The following ERC2 variants were observed in gnomAD, a reference collection of about 807,000 sequenced individuals.
The protein encoded by ERC2 is ELKS/RAB6-interacting/CAST family member 2, also known as ERC protein 2.
In ERC2, 42 loss-of-function variants were observed where a neutral mutation model predicts 114.8. The observed-to-expected ratio is 0.37, with a 90% confidence interval of 0.29 to 0.47. The LOEUF is 0.47. Among genes scored for constraint, ERC2 ranks in the 20% least tolerant of loss-of-function variants. The probability of loss-of-function intolerance (pLI) is 0.99; values close to 1 mark genes in which losing one functional copy is unlikely to be tolerated. For synonymous variants in ERC2, 454 were observed against 425.5 expected (o/e 1.07, Z -0.82); for missense variants, 939 against 1,150.7 (o/e 0.82, Z 2.66).
intron 3 of ERC2, among the ~76,000 whole-genome samples, chr3:56,285,743 A>G (rs2150333881): frequency 6.6e-6 from 1 of 152,320 alleles, no homozygotes; most frequent in South Asian, 2.1e-4. Context: ...AATATTTTTT[A>G]ACACAACCTG....
chr3:56,418,409 G>A (rs368943358), intron 2 of ERC2, among the ~76,000 whole-genome samples: 9 of 152,098 alleles, frequency 5.9e-5, no homozygotes, highest in African/African-American at 2.2e-4. Flanking sequence ...TGTACACAGA[G>A]CTACTCACTC....
chr3:56,110,760 C>G (rs1048950138), intron 6 of ERC2, among the ~76,000 whole-genome samples: 90 of 152,120 alleles, frequency 5.9e-4, no homozygotes, highest in African/African-American at 2.1e-3. Flanking sequence ...AAAAATTTCC[C>G]CAGCATGATA....
intron 2 of ERC2, among the ~76,000 whole-genome samples, chr3:56,394,443 C>A (rs2060233653): frequency 6.6e-6 from 1 of 152,114 alleles, no homozygotes; most frequent in African/African-American, 2.4e-5. Context: ...ACCTGTCTGA[C>A]TTTTTAACTT....
At chr3:56,149,331 AG>A (rs1297054407) in intron 4 of ERC2, among the ~76,000 whole-genome samples, 199 bp from the exon 5 acceptor site, 1 of 152,176 alleles carries the variant, frequency 6.6e-6, no homozygotes, top group African/African-American at 2.4e-5. Context: ...CTCCCAATCA[AG>A]ACCATGTGTC....
chr3:56,245,241 T>G (rs886667732), intron 3 of ERC2, among the ~76,000 whole-genome samples: 33 of 151,564 alleles, frequency 2.2e-4, no homozygotes, highest in Non-Finnish European at 4.1e-4. Flanking sequence ...TAAGGATCAT[T>G]GTAACACTGG....
intron 17 of ERC2, among the ~76,000 whole-genome samples, chr3:55,653,335 C>T (rs115298780): frequency 6.6e-6 from 1 of 152,130 alleles, no homozygotes; most frequent in Non-Finnish European, 1.5e-5. Flanking sequence ...AAAGATTACT[C>T]TTACTTGCAA....
chr3:55,650,428 G>A (rs1252351879), intron 17 of ERC2, among the ~76,000 whole-genome samples: 1 of 152,078 alleles, frequency 6.6e-6, no homozygotes, highest in Non-Finnish European at 1.5e-5. Context: ...CTCATCCGAG[G>A]GTCACCTTCT....
At chr3:55,883,924 A>C (rs114247713) in intron 14 of ERC2, among the ~76,000 whole-genome samples, 11,496 of 146,776 alleles carry the variant, frequency 0.078, 522 homozygotes, top group South Asian at 0.15. Context: ...AACAACAACA[A>C]CAACACCACA....
chr3:56,427,667 C>A (rs534957074), intron 2 of ERC2, among the ~76,000 whole-genome samples: 2 of 152,152 alleles, frequency 1.3e-5, no homozygotes, highest in African/African-American at 4.8e-5. Flanking sequence ...CACAGCCACC[C>A]ACAGAGGGCA....
intron 3 of ERC2, among the ~76,000 whole-genome samples, chr3:56,234,436 T>C (rs1337006435): frequency 3.3e-5 from 5 of 152,244 alleles, no homozygotes; most frequent in Non-Finnish European, 5.9e-5. Flanking sequence ...ATTTTATAAG[T>C]TGTATAACAA....
chr3:55,732,397 A>G (rs531350600), intron 15 of ERC2, among the ~76,000 whole-genome samples: 1 of 152,282 alleles, frequency 6.6e-6, no homozygotes, highest in African/African-American at 2.4e-5. Flanking sequence ...CCTTCACTGC[A>G]TCCTTCTCCA....
intron 10 of ERC2, chr3:56,003,098 C>T (rs2072202818): frequency 6.2e-6 from 8 of 1,289,270 alleles, no homozygotes; most frequent in Non-Finnish European, 7.1e-6. Flanking sequence ...AAATGACTTA[C>T]TGGGTTGTAC....
intron 16 of ERC2, among the ~76,000 whole-genome samples, chr3:55,698,045 C>T (rs546019988): frequency 1.3e-5 from 2 of 151,988 alleles, no homozygotes; most frequent in Admixed American, 1.3e-4. Flanking sequence ...CACAGACATA[C>T]AAGATAATGA....
chr3:55,817,034 C>T (rs2059927993), intron 14 of ERC2, among the ~76,000 whole-genome samples: 1 of 152,182 alleles, frequency 6.6e-6, no homozygotes, highest in African/African-American at 2.4e-5. Flanking sequence ...CACGATGCTT[C>T]AAATAACCAC....
chr3:56,012,657 G>A (rs556937370), intron 8 of ERC2, among the ~76,000 whole-genome samples: 4 of 152,226 alleles, frequency 2.6e-5, no homozygotes, highest in Admixed American at 6.5e-5. Context: ...CTAAGCACTC[G>A]TACTATTGAC....
chr3:55,548,879 T>C (rs1379818094), intron 17 of ERC2, among the ~76,000 whole-genome samples: 1 of 152,192 alleles, frequency 6.6e-6, no homozygotes, highest in Non-Finnish European at 1.5e-5. Flanking sequence ...CCAGCCAATG[T>C]TGTTTTTCAG....
Position 55,807,958 on chromosome 3 carries a change from G to A in ERC2, c.2565-73040C>T, listed in dbSNP as rs184004640. Among the ~76,000 whole-genome samples the A allele has an allele frequency of 9.2e-5, 14 of 152,294 alleles. No homozygotes were observed. The East Asian group carries it at 2.5e-3, about 27-fold the overall frequency. ...AGTAAGGCTGCCTTCAGGCTGGAGGGAGCTCATGCTTTAGCATCAAGGGTT... is the reference window on the plus strand; with the variant it reads ...AGTAAGGCTGCCTTCAGGCTGGAGGAAGCTCATGCTTTAGCATCAAGGGTT... On this transcript the variant is annotated intron_variant, in intron 14 of 17. Coordinates refer to ENST00000288221, the MANE Select transcript of ERC2 (RefSeq NM_015576.3).
chr3:56,291,908 T>C (rs1480657720), intron 3 of ERC2, among the ~76,000 whole-genome samples: 1 of 152,114 alleles, frequency 6.6e-6, no homozygotes, highest in Non-Finnish European at 1.5e-5. Flanking sequence ...CTTTGCCTTA[T>C]AAAATAACTA....
intron 15 of ERC2, among the ~76,000 whole-genome samples, chr3:55,715,327 T>G (rs709342): frequency 2.0e-5 from 3 of 151,960 alleles, no homozygotes; most frequent in African/African-American, 7.3e-5. Flanking sequence ...ATCATGGGCC[T>G]AAGATTGGGA....
Sources: gnomAD v4.1 joint callset for allele counts (sites outside exome capture counted in the v4.1 genomes callset) on GRCh38, gnomAD v4.1.1 for gene constraint, MANE v1.5 for transcripts, NCBI Gene and HGNC (gene_info 2026-07-23, HGNC 2026-07-21) for gene names.